Variants in TET3 observed in about 807,000 individuals in gnomAD.
TET3 encodes methylcytosine dioxygenase TET3.
TET3 carries 19 observed loss-of-function variants against 141.4 expected under a neutral mutation model. The observed-to-expected ratio is 0.13, with a 90% CI of 0.09 to 0.20. The LOEUF (loss-of-function observed/expected upper bound fraction) is 0.20. Among genes scored for constraint, TET3 ranks in the 10% least tolerant of loss-of-function variants. The pLI is 1.00. For synonymous variants in TET3, 1,043 were observed against 980.9 expected (o/e 1.06, Z -1.18); for missense variants, 1,874 against 2,356.9 (o/e 0.80, Z 4.24).
chr2:74,078,281 A>C (rs1271990100), intron 5 of TET3, among the ~76,000 whole-genome samples: 1 of 152,250 alleles, frequency 6.6e-6, no homozygotes. Context: ...AGAACGAATA[A>C]AGCGCTAAAG....
At chr2:74,108,839 G>C (rs559254571), downstream of TET3, among the ~76,000 whole-genome samples, 7 of 152,308 alleles carry the variant, frequency 4.6e-5, no homozygotes, top group South Asian at 1.5e-3. Flanking sequence ...CTGTTGATAA[G>C]GACTTCAGCA....
the TET3 span, among the ~76,000 whole-genome samples, chr2:74,116,716 A>G: frequency 1.7e-4 from 26 of 149,782 alleles, 1 homozygote; most frequent in Admixed American, 1.3e-3. Flanking sequence ...AACACTGTGT[A>G]CCCCATGAAT....
At chr2:74,040,563 G>A (rs1047936804) in intron 3 of TET3, among the ~76,000 whole-genome samples, 1 of 152,052 alleles carries the variant, frequency 6.6e-6, no homozygotes, top group Admixed American at 6.6e-5. Context: ...GTGGGCTTAC[G>A]GCATGGTCTA....
chr2:74,027,830 A>G (rs1206398776), intron 3 of TET3, among the ~76,000 whole-genome samples: 1 of 152,198 alleles, frequency 6.6e-6, no homozygotes, highest in Admixed American at 6.5e-5. Flanking sequence ...GAACATTTAT[A>G]TACACGTTTT....
upstream of TET3, among the ~76,000 whole-genome samples, chr2:73,984,817 CGGGCCGGCGGGGCTCGGCG>C (rs1233047396): frequency 1.4e-5 from 2 of 146,854 alleles, no homozygotes; most frequent in Admixed American, 6.7e-5. This position sits in a 1 kb window ranked among gnomAD's most constrained non-coding sequence, Gnocchi z 5.6. Context: ...GGGGCCCGGC[CGGGCCGGCGGGGCTCGGCG>C]GGGCCGCACG....
At chr2:74,064,740 G>T (rs1022488945) in intron 4 of TET3, among the ~76,000 whole-genome samples, 9 of 151,978 alleles carry the variant, frequency 5.9e-5, no homozygotes, top group Admixed American at 3.9e-4. Context: ...GCTTTTTGGA[G>T]ATTTGTAAAA....
intron 2 of TET3, among the ~76,000 whole-genome samples, chr2:74,001,304 A>G (rs1487875130): frequency 6.6e-6 from 1 of 152,134 alleles, no homozygotes; most frequent in African/African-American, 2.4e-5. Flanking sequence ...AGTGGGTAGG[A>G]GAGCGAATCA....
chr2:74,131,440 T>C, the TET3 span, among the ~76,000 whole-genome samples: 2 of 152,196 alleles, frequency 1.3e-5, no homozygotes, highest in East Asian at 1.9e-4. Context: ...AGAAAGGGAA[T>C]TGAAACCATT....
At chr2:74,043,450 G>A (rs1687452295) in intron 3 of TET3, among the ~76,000 whole-genome samples, 1 of 152,180 alleles carries the variant, frequency 6.6e-6, no homozygotes, top group Non-Finnish European at 1.5e-5. Context: ...AAGTGGGGGA[G>A]GGAGGCAGCT....
At chr2:74,028,401 C>G (rs1271671327) in intron 3 of TET3, among the ~76,000 whole-genome samples, 1 of 151,940 alleles carries the variant, frequency 6.6e-6, no homozygotes, top group Non-Finnish European at 1.5e-5. Flanking sequence ...CTGCCTAATC[C>G]AAGATAATAA....
chr2:74,013,708 A>T (rs1353706389), intron 3 of TET3, among the ~76,000 whole-genome samples: 2 of 152,090 alleles, frequency 1.3e-5, no homozygotes, highest in Non-Finnish European at 2.9e-5. Flanking sequence ...GTTACTTGGG[A>T]GGCTGAGGCA....
At chr2:74,013,958 A>G (rs1685600232) in intron 3 of TET3, among the ~76,000 whole-genome samples, 1 of 152,202 alleles carries the variant, frequency 6.6e-6, no homozygotes, top group Non-Finnish European at 1.5e-5. Flanking sequence ...ATTTATTAAC[A>G]TAATATGTCT....
chr2:74,009,664 G>T (rs564215541), intron 3 of TET3, among the ~76,000 whole-genome samples: 1 of 152,172 alleles, frequency 6.6e-6, no homozygotes, highest in African/African-American at 2.4e-5. Context: ...CATGGCTTCA[G>T]TCCATCCCTA....
In TET3 at chr2:74,105,345, C is replaced by T. The variant is rs2104266378; in HGVS notation, c.*3169C>T. The T allele has an allele frequency of 5.0e-6, 2 of 398,558 alleles. No individual in the cohort carries two copies. Among genetic ancestry groups the T allele is most frequent in the East Asian group, 3.6e-5 (1 of 28,074 alleles). The allele number at this position is 398,558 out of a possible 1,614,324, so 24.7% of individuals were successfully genotyped here. Reference sequence around the variant, plus strand: ...TTTTGTTTTCCCTGCCTGTTGCGTGCAAGGGAAGTGCTTGTAAAGTTCTGT... The same window carrying T: ...TTTTGTTTTCCCTGCCTGTTGCGTGTAAGGGAAGTGCTTGTAAAGTTCTGT... On this transcript the variant is annotated 3_prime_UTR_variant, in exon 12 of 12. Transcript: ENST00000409262.
At chr2:74,065,591 C>T (rs563917713) in intron 4 of TET3, among the ~76,000 whole-genome samples, 62 of 140,372 alleles carry the variant, frequency 4.4e-4, no homozygotes, top group African/African-American at 1.6e-3. Context: ...CTGGTTCGTC[C>T]GTCCTTCCTT....
At chr2:73,992,408 G>T in intron 2 of TET3, among the ~76,000 whole-genome samples, 1 of 151,450 alleles carries the variant, frequency 6.6e-6, no homozygotes, top group Non-Finnish European at 1.5e-5. Context: ...CCACCTCCCC[G>T]GTTCAAGCGA....
At chr2:74,076,459 T>G (rs1038404118) in intron 5 of TET3, among the ~76,000 whole-genome samples, 116 of 145,786 alleles carry the variant, frequency 8.0e-4, no homozygotes, top group Admixed American at 1.4e-3. Context: ...TTTTTTTTTT[T>G]TTTTTTTTTT....
intron 3 of TET3, among the ~76,000 whole-genome samples, chr2:74,032,153 A>G (rs1686729696): frequency 6.6e-6 from 1 of 152,108 alleles, no homozygotes; most frequent in South Asian, 2.1e-4. Flanking sequence ...GACACACCTG[A>G]GCTGTCAGTG....
intron 1 of TET3, among the ~76,000 whole-genome samples, chr2:73,985,762 C>A (rs1056526986): frequency 6.6e-6 from 1 of 152,016 alleles, no homozygotes; most frequent in Non-Finnish European, 1.5e-5. Flanking sequence ...TGATCACCCC[C>A]TTGAATCCAG....
Sources: allele counts gnomAD v4.1 joint callset (sites outside exome capture counted in the v4.1 genomes callset), GRCh38; gene constraint gnomAD v4.1.1; non-coding constraint Gnocchi (gnomAD v3.1); transcripts MANE v1.5; gene names NCBI Gene and HGNC (gene_info 2026-07-23, HGNC 2026-07-21).